The following DAAM1 variants were observed in gnomAD, a reference collection of about 807,000 sequenced individuals.
The protein encoded by DAAM1 is dishevelled associated activator of morphogenesis 1, also known as disheveled-associated activator of morphogenesis 1.
Under a neutral mutation model 130.0 loss-of-function variants are expected in DAAM1, and 52 were observed. That is an observed-to-expected ratio of 0.40 (90% CI 0.32 to 0.50). The LOEUF is 0.50. Among genes scored for constraint, DAAM1 ranks in the 20% least tolerant of loss-of-function variants. The pLI, the probability that DAAM1 is intolerant of heterozygous loss-of-function variation, is 0.61. For synonymous variants in DAAM1, 452 were observed against 444.5 expected, an observed-to-expected ratio of 1.02 and a Z score of -0.21; for missense variants, 1,134 against 1,303.8, an observed-to-expected ratio of 0.87 and a Z score of 2.01.
rs919609568 is a variant in DAAM1 at position 59,370,625 on chromosome 14, C to G, written c.*1766C>G. The G allele has an allele frequency of 2.0e-5, 3 of 152,044 alleles. No individual in the cohort carries two copies. Among genetic ancestry groups the G allele is most frequent in the Non-Finnish European group, 4.4e-5 (3 of 67,986 alleles). 9.4% of individuals were successfully genotyped at this position (152,044 alleles called of 1,614,324 possible). On this transcript the variant is annotated 3_prime_UTR_variant, in exon 25 of 25. Transcript: ENST00000360909. ...TGCAAATTTAGTGACTTTCTACACA[C>G]TATATGGAAATAAATGACTAGCAAA...
intron 1 of DAAM1, among the ~76,000 whole-genome samples, chr14:59,198,676 G>A (rs1439935701): frequency 2.0e-5 from 3 of 152,182 alleles, no homozygotes; most frequent in East Asian, 1.9e-4. Flanking sequence ...TTCTAATGAG[G>A]AAGGAGGATA....
rs551958276 is a variant in DAAM1 at position 59,337,350 on chromosome 14, T to G, written c.1969-2724T>G. 2.6e-5 allele frequency among the ~76,000 whole-genome samples: 4 copies of G among 152,128 alleles called. No individual in the cohort carries two copies. The East Asian group carries it at 7.7e-4, about 29-fold the overall frequency. On this transcript the variant is annotated intron_variant, in intron 15 of 24. Coordinates refer to ENST00000360909, the MANE Select transcript of DAAM1 (RefSeq NM_001270520.2). The stretch of plus-strand genomic sequence containing the variant: ...TTTAAATGCCATTCTAGAAAAGCAG[T>G]CCCCCCTTGTATGGCTAGAGCAAGG...
chr14:59,221,914 G>A lies in DAAM1; in HGVS notation c.-38+33146G>A, dbSNP rs111611782. Among the ~76,000 whole-genome samples, 4 of 152,352 alleles carry A rather than the reference G, an allele frequency of 2.6e-5. 1 individual carries two copies. The highest frequency in any genetic ancestry group is 1.9e-4 in the East Asian group (1 of 5,190). On this transcript the variant is annotated intron_variant, in intron 1 of 24. Coordinates refer to ENST00000360909, the MANE Select transcript of DAAM1 (RefSeq NM_001270520.2). Reference sequence around the variant, plus strand: ...ACATTTTGCCAGTGACCCACTAGGCGTAATGGTGAGTGGTGCCACCCACTC... The same window carrying A: ...ACATTTTGCCAGTGACCCACTAGGCATAATGGTGAGTGGTGCCACCCACTC...
At chr14:59,341,461 A>G (rs1885843324) in intron 16 of DAAM1, among the ~76,000 whole-genome samples, 1 of 152,234 alleles carries the variant, frequency 6.6e-6, no homozygotes, top group Non-Finnish European at 1.5e-5. Context: ...CCAGTACAAC[A>G]AGATATTTGG....
At chr14:59,297,171 G>A (rs552950773) in intron 3 of DAAM1, among the ~76,000 whole-genome samples, 1 of 152,142 alleles carries the variant, frequency 6.6e-6, no homozygotes, top group Non-Finnish European at 1.5e-5. Context: ...GGACTGAAGG[G>A]CTAACTCCTG....
At chr14:59,305,387 A>G (rs1411560138) in intron 3 of DAAM1, among the ~76,000 whole-genome samples, 2 of 152,218 alleles carry the variant, frequency 1.3e-5, no homozygotes, top group Admixed American at 6.5e-5. Flanking sequence ...GAGTTGTCAT[A>G]TAAATTGGTT....
chr14:59,351,858 G>A (rs1047861867), intron 17 of DAAM1, among the ~76,000 whole-genome samples: 9 of 152,004 alleles, frequency 5.9e-5, no homozygotes, highest in Non-Finnish European at 1.0e-4. Context: ...AATCAGACAC[G>A]TACAGAAGCA....
At chr14:59,268,950 C>T (rs1329779213) in intron 2 of DAAM1, among the ~76,000 whole-genome samples, 2 of 152,234 alleles carry the variant, frequency 1.3e-5, no homozygotes, top group African/African-American at 4.8e-5. Context: ...AGCGTGACAA[C>T]TCTATAAATC....
intron 1 of DAAM1, among the ~76,000 whole-genome samples, chr14:59,237,123 G>A (rs141543099): frequency 3.3e-5 from 5 of 152,264 alleles, no homozygotes; most frequent in South Asian, 2.1e-4. Flanking sequence ...TAACCTACAC[G>A]TGCTGGAATA....
intron 22 of DAAM1, chr14:59,362,572 T>C (rs891555005): frequency 3.3e-5 from 5 of 151,844 alleles, no homozygotes; most frequent in Admixed American, 2.0e-4. Flanking sequence ...AGCTCCATAA[T>C]TGATGAGTTT....
At chr14:59,252,115 A>C (rs562366407) in intron 1 of DAAM1, among the ~76,000 whole-genome samples, 1 of 152,334 alleles carries the variant, frequency 6.6e-6, no homozygotes, top group African/African-American at 2.4e-5. Flanking sequence ...TTGTAATGGC[A>C]AACTGTGGCA....
At position 59,331,461 on chromosome 14, in the gene DAAM1, C is replaced by T; in HGVS notation, c.1813C>T (p.Gln605Ter). The T allele has an allele frequency of 6.2e-7, 1 of 1,612,858 alleles. No homozygotes were observed. The highest frequency in any genetic ancestry group is 1.1e-5 in the South Asian group (1 of 90,942). The change falls in exon 14 of 25, where the codon CAG becomes TAG. Residue 605 changes from glutamine to a stop codon, truncating the protein, a stop_gained. Coordinates refer to ENST00000360909, the MANE Select transcript of DAAM1 (RefSeq NM_001270520.2). LOFTEE classifies it high-confidence loss of function. ...GLALKKKSIP[Q>*]PTNALKSFNW... ...AGCACTGAAGAAGAAAAGCATTCCT[C>T]AGCCCACAAATGCCCTGAAATCCTT...
rs1282334278 is a variant in DAAM1 at position 59,322,892 on chromosome 14, G to A, written c.441G>A (p.Arg147=). Residue 147 remains arginine (R), a splice_region_variant and synonymous_variant, in exon 6 of 25, where the codon AGG becomes AGA. Coordinates refer to ENST00000360909, the MANE Select transcript of DAAM1 (RefSeq NM_001270520.2). ...CATGGTGCATTTCTCTTCATGACAG[G>A]TTTGTAACCAGATTCATCGACTTGG... ...LKTALRTKPM[R]FVTRFIDLDG... 1 of 1,607,236 alleles carries A rather than the reference G, an allele frequency of 6.2e-7. No homozygotes were observed. The highest frequency in any genetic ancestry group is 8.5e-7 in the Non-Finnish European group (1 of 1,175,526).
At chr14:59,316,240 A>G (rs1230515900) in intron 4 of DAAM1, among the ~76,000 whole-genome samples, 2 of 152,028 alleles carry the variant, frequency 1.3e-5, no homozygotes, top group African/African-American at 4.8e-5. Context: ...ACTTTCTTCT[A>G]CCTCCTTCCT....
At chr14:59,244,394 C>T (rs533932947) in intron 1 of DAAM1, among the ~76,000 whole-genome samples, 1 of 152,276 alleles carries the variant, frequency 6.6e-6, no homozygotes, top group South Asian at 2.1e-4. Context: ...ACAACATACA[C>T]TCACTCCCAT....
chr14:59,283,249 G>A (rs1330914908), intron 2 of DAAM1, among the ~76,000 whole-genome samples: 1 of 152,090 alleles, frequency 6.6e-6, no homozygotes, highest in Non-Finnish European at 1.5e-5. Context: ...TTGAATAATT[G>A]ACCTGATTGT....
In DAAM1 at chr14:59,326,058, C is replaced by G; in HGVS notation, c.1155C>G (p.His385Gln). Residue 385 changes from histidine (H) to glutamine (Q), a missense_variant, in exon 10 of 25, where the codon CAC (histidine) becomes CAG (glutamine). Around this residue, in one of 3 missense-constraint regions of DAAM1, gnomAD observed 391 missense variants for 521.6 expected, o/e 0.75. Transcript: ENST00000360909. ...EAYPHFMSILHHCLQMPYKRS... is the reference protein window; with the variant it reads ...EAYPHFMSILQHCLQMPYKRS... ...ACCCGCATTTCATGTCCATCCTGCA[C>G]CACTGCCTCCAAATGCCTTGTAAGT... 6 of 1,614,134 alleles carry G rather than the reference C, an allele frequency of 3.7e-6. No individual in the cohort carries two copies. The highest frequency in any genetic ancestry group is 5.1e-6 in the Non-Finnish European group (6 of 1,179,994).
chr14:59,317,415 T>TGTCATAGTTCTGGCTATA (rs1281257303), intron 4 of DAAM1, among the ~76,000 whole-genome samples: 2 of 152,212 alleles, frequency 1.3e-5, no homozygotes, highest in Non-Finnish European at 2.9e-5. Flanking sequence ...TTCTGGCTAA[T>TGTCATAGTTCTGGCTATA]CACTATGATG....
intron 2 of DAAM1, 30 bp downstream of exon 2, chr14:59,263,690 G>A: frequency 6.2e-7 from 1 of 1,603,448 alleles, no homozygotes; most frequent in Non-Finnish European, 8.5e-7. Flanking sequence ...CCTGGCATTG[G>A]TGGGGAGCCA....
Sources: gnomAD v4.1 joint callset for allele counts (sites outside exome capture counted in the v4.1 genomes callset) on GRCh38, gnomAD v4.1.1 for gene constraint, gnomAD v4.1.1 regional missense constraint, MANE v1.5 for transcripts, NCBI Gene and HGNC (gene_info 2026-07-23, HGNC 2026-07-21) for gene names.